CMC2: variants seen among roughly 807,000 people sequenced by gnomAD.
CMC2 encodes the protein COX assembly mitochondrial protein 2 homolog.
Under a neutral mutation model 7.5 loss-of-function variants are expected in CMC2, and 5 were observed. The ratio of observed to expected loss-of-function variants is 0.66; its 90% CI spans 0.35 to 1.40. The LOEUF is 1.40. CMC2 is among the 40% of genes most tolerant of loss of function. CMC2 has a pLI of 0.04. For missense variants in CMC2, 115 were observed against 92.3 expected (o/e 1.25, Z -1.01); for synonymous variants, 37 against 31.4 (o/e 1.18, Z -0.60).
chr16:80,977,657 A>T (rs1204205130), intron 3 of CMC2, among the ~76,000 whole-genome samples: 1 of 152,184 alleles, frequency 6.6e-6, no homozygotes, highest in Non-Finnish European at 1.5e-5. Context: ...AGTAACTTCA[A>T]ATATAAGGAG....
At chr16:80,977,256 T>C (rs1436132148) in intron 3 of CMC2, among the ~76,000 whole-genome samples, 1 of 152,216 alleles carries the variant, frequency 6.6e-6, no homozygotes, top group African/African-American at 2.4e-5. Context: ...TATTCTGATC[T>C]GGCCAGCAGG....
At chr16:80,985,515 T>C (rs908569018) in intron 2 of CMC2, among the ~76,000 whole-genome samples, 5 of 152,206 alleles carry the variant, frequency 3.3e-5, no homozygotes, top group South Asian at 2.1e-4. Flanking sequence ...TAATTTATCA[T>C]TGTAATTTTA....
intron 2 of CMC2, among the ~76,000 whole-genome samples, chr16:80,985,343 G>C (rs1488576510): frequency 6.6e-6 from 1 of 152,170 alleles, no homozygotes; most frequent in African/African-American, 2.4e-5. Context: ...CATCACAACA[G>C]ATTGAATGTA....
chr16:80,993,131 G>T (rs1482286638), intron 2 of CMC2, among the ~76,000 whole-genome samples: 4 of 152,108 alleles, frequency 2.6e-5, no homozygotes, highest in Non-Finnish European at 4.4e-5. Context: ...CTATGTAATT[G>T]TCCCCATGCT....
intron 1 of CMC2, among the ~76,000 whole-genome samples, chr16:81,004,689 T>C (rs1301376964): frequency 6.6e-6 from 1 of 152,182 alleles, no homozygotes; most frequent in African/African-American, 2.4e-5. Context: ...GCTGGGAGGG[T>C]AGAAGCGGTA....
chr16:81,004,865 A>G (rs1969135611), intron 1 of CMC2, among the ~76,000 whole-genome samples: 2 of 152,238 alleles, frequency 1.3e-5, no homozygotes, highest in South Asian at 4.1e-4. Context: ...GCGCTGTATT[A>G]ACTCTAGTAT....
intron 2 of CMC2, among the ~76,000 whole-genome samples, chr16:80,994,913 T>C (rs1309552599): frequency 4.0e-5 from 6 of 151,248 alleles, no homozygotes; most frequent in African/African-American, 7.3e-5. Context: ...TGGGGGGCCA[T>C]GGCAGGTGGA....
At chr16:80,996,639 T>C (rs1383261697) in intron 2 of CMC2, among the ~76,000 whole-genome samples, 1 of 152,214 alleles carries the variant, frequency 6.6e-6, no homozygotes, top group Non-Finnish European at 1.5e-5. Context: ...ATTTGATATA[T>C]CTACAGTTTG....
At chr16:80,997,615 C>A in intron 1 of CMC2, 186 bp from the exon 2 acceptor site, 1 of 431,466 alleles carries the variant, frequency 2.3e-6, no homozygotes, top group Non-Finnish European at 4.2e-6. Flanking sequence ...AGATATTCAG[C>A]AAGTTATCAG....
At position 80,971,462 on chromosome 16, in the gene CMC2, A is replaced by C. The variant is rs985424409; in HGVS notation, c.*4631T>G. Reference sequence around the variant, plus strand: ...ACATAGTATTTTTTTTTTAAAAAAAAAAGGTACGCTACCAAAGGCTACACA... The same window carrying C: ...ACATAGTATTTTTTTTTTAAAAAAACAAGGTACGCTACCAAAGGCTACACA... On this transcript the variant is annotated 3_prime_UTR_variant, in exon 4 of 4. Coordinates refer to ENST00000219400, the MANE Select transcript of CMC2 (RefSeq NM_020188.5). 2.6e-5 allele frequency: 4 copies of C among 151,074 alleles called. No homozygotes were observed. Among genetic ancestry groups the C allele is most frequent in the Non-Finnish European group, 5.9e-5 (4 of 67,872 alleles). The allele number at this position is 151,074 out of a possible 1,614,324, so 9.4% of individuals were successfully genotyped here.
At chr16:81,003,965 G>T (rs962779578) in intron 1 of CMC2, among the ~76,000 whole-genome samples, 1 of 152,246 alleles carries the variant, frequency 6.6e-6, no homozygotes, top group African/African-American at 2.4e-5. Context: ...GCTCACGCCT[G>T]TAATCTCAGA....
chr16:80,997,245 A>G lies in CMC2; in HGVS notation c.81+69T>C, dbSNP rs1053973784. 38 of 876,462 alleles carry G rather than the reference A, an allele frequency of 4.3e-5. No homozygotes were observed. The East Asian group carries it at 8.7e-4, about 20-fold the overall frequency. The allele number at this position is 876,462 out of a possible 1,614,324, so 54.3% of individuals were successfully genotyped here. ...ATCGTTTCCTTCTATCAACGGAGAT[A>G]ACATTTTACATCAGTGGGTTATAAC... On this transcript the variant is annotated intron_variant, in intron 2 of 3. Transcript: ENST00000219400.
chr16:81,001,451 C>T (rs920766599), intron 1 of CMC2: 1 of 152,050 alleles, frequency 6.6e-6, no homozygotes, highest in African/African-American at 2.4e-5. Flanking sequence ...TGGTGGTTAC[C>T]AGAGGGAGGT....
chr16:80,981,456 C>T (rs1277794862), intron 3 of CMC2, among the ~76,000 whole-genome samples: 2 of 152,122 alleles, frequency 1.3e-5, no homozygotes, highest in Non-Finnish European at 2.9e-5. Context: ...GAAATTGAGG[C>T]CCTGAGAGTT....
intron 2 of CMC2, among the ~76,000 whole-genome samples, chr16:80,991,247 G>A (rs1443304901): frequency 6.6e-6 from 1 of 152,138 alleles, no homozygotes; most frequent in Admixed American, 6.5e-5. Context: ...CCACCTTGGA[G>A]GAACAGGGTA....
chr16:81,004,120 G>A (rs1029638431), intron 1 of CMC2, among the ~76,000 whole-genome samples: 1 of 152,138 alleles, frequency 6.6e-6, no homozygotes, highest in African/African-American at 2.4e-5. Flanking sequence ...TACTTGGGAG[G>A]CTGAGGCAGG....
At chr16:80,986,076 G>A (rs575445535) in intron 2 of CMC2, among the ~76,000 whole-genome samples, 15 of 152,114 alleles carry the variant, frequency 9.9e-5, no homozygotes, top group Non-Finnish European at 1.8e-4. Flanking sequence ...AGCCAGGTGC[G>A]GTGGCTCATG....
At chr16:80,981,747 T>C (rs1279943585) in intron 3 of CMC2, 59 bp downstream of exon 3, 12 of 1,108,064 alleles carry the variant, frequency 1.1e-5, no homozygotes, top group African/African-American at 4.7e-5. Flanking sequence ...TAATACACAA[T>C]ATTCAAAAAT....
rs1402021143 is a variant in CMC2, at chr16:81,006,737, A to C, written c.-39T>G. On this transcript the variant is annotated 5_prime_UTR_variant, in exon 1 of 4. Coordinates refer to ENST00000219400, the MANE Select transcript of CMC2 (RefSeq NM_020188.5). ...GGCCTGGACTCCCGAGACTCACCCG[A>C]CTCGTGGCCACACCGGGAGAACTGA... The C allele has an allele frequency of 9.1e-6, 9 of 985,206 alleles. No individual in the cohort carries two copies. Among genetic ancestry groups the C allele is most frequent in the African/African-American group, 1.8e-5 (1 of 57,136 alleles). The allele number at this position is 985,206 out of a possible 1,614,324, so 61.0% of individuals were successfully genotyped here. A position where few individuals can be genotyped will look rare whatever the true frequency, so the allele number is the denominator to read the frequency against.
Sources: gnomAD v4.1 joint callset for allele counts (sites outside exome capture counted in the v4.1 genomes callset) on GRCh38, gnomAD v4.1.1 for gene constraint, MANE v1.5 for transcripts, NCBI Gene and HGNC (gene_info 2026-07-23, HGNC 2026-07-21) for gene names.